Variants in PDXK observed in about 807,000 individuals in gnomAD.
The protein encoded by PDXK is epididymis secretory sperm binding protein Li 1a.
Under a neutral mutation model 43.2 loss-of-function variants are expected in PDXK, and 15 were observed. The observed-to-expected ratio is 0.35, with a 90% CI of 0.23 to 0.53. The LOEUF (loss-of-function observed/expected upper bound fraction) is 0.53, where lower values mean the gene tolerates loss of function less well. Among genes scored for constraint, PDXK ranks in the 20% least tolerant of loss-of-function variants. The pLI is 0.92. For synonymous variants in PDXK, 172 were observed against 165.4 expected (o/e 1.04, Z -0.31); for missense variants, 343 against 417.0 (o/e 0.82, Z 1.54).
At position 43,727,470 on chromosome 21, in the gene PDXK, C is replaced by A. The variant is rs77718014; in HGVS notation, c.88-6599C>A. On this transcript the variant is annotated intron_variant, in intron 1 of 10. Coordinates refer to ENST00000291565, the MANE Select transcript of PDXK (RefSeq NM_003681.5). ...TGTGGCCAAGACAAGCCTGCCAGCC[C>A]CTGTCCCTGTCCTTGGCCACTCCTC... Among the ~76,000 whole-genome samples the A allele has an allele frequency of 2.6e-3, 401 of 152,308 alleles. 2 individuals are homozygous for A. Among genetic ancestry groups the A allele is most frequent in the African/African-American group, 8.9e-3 (371 of 41,574 alleles).
At chr21:43,746,043 AG>A in intron 4 of PDXK, 35 bp from the exon 5 acceptor site, 1 of 1,553,780 alleles carries the variant, frequency 6.4e-7, no homozygotes, top group South Asian at 1.1e-5. Context: ...CGTCAGCTGT[AG>A]CCTTTGCTGA....
intron 2 of PDXK, among the ~76,000 whole-genome samples, chr21:43,736,052 A>T (rs2147239999): frequency 6.6e-6 from 1 of 152,294 alleles, no homozygotes; most frequent in Non-Finnish European, 1.5e-5. Flanking sequence ...TGCGGTGCCC[A>T]CGATGACACT....
In PDXK at chr21:43,719,293, G is replaced by T. The variant is rs968917264; in HGVS notation, c.-2G>T. The T allele has an allele frequency of 4.8e-6, 7 of 1,462,768 alleles. No homozygotes were observed. Among genetic ancestry groups the T allele is most frequent in the African/African-American group, 1.5e-5 (1 of 67,944 alleles). 90.6% of individuals were successfully genotyped at this position (1,462,768 alleles called of 1,614,324 possible). A position where few individuals can be genotyped will look rare whatever the true frequency, so the allele number is the denominator to read the frequency against. ...CCCCGCGCCGCCGCGGCCAGGCCCGGCATGGAGGAGGAGTGCCGGGTGCTC... is the reference window on the plus strand; with the variant it reads ...CCCCGCGCCGCCGCGGCCAGGCCCGTCATGGAGGAGGAGTGCCGGGTGCTC... On this transcript the variant is annotated 5_prime_UTR_variant, in exon 1 of 11. Coordinates refer to ENST00000291565, the MANE Select transcript of PDXK (RefSeq NM_003681.5).
Position 43,755,970 on chromosome 21 carries a change from G to A in PDXK, c.846G>A (p.Val282=). The change falls in exon 11 of 11, where the codon GTG becomes GTA. Residue 282 remains valine, a synonymous_variant. Transcript: ENST00000291565. ...QCAKAQAGEG[V]RPSPMQLELR... is the part of the protein sequence containing the mutation. ...CCGCAGCCCAGGCCGGGGAAGGAGT[G>A]AGGCCCAGCCCCATGCAGCTGGAGC... 6.2e-7 allele frequency: 1 copy of A among 1,611,600 alleles called. No homozygotes were observed. Among genetic ancestry groups the A allele is most frequent in the Non-Finnish European group, 8.5e-7 (1 of 1,178,538 alleles).
intron 2 of PDXK, 28 bp from the exon 3 acceptor site, chr21:43,741,639 G>C (rs754851280): frequency 6.2e-7 from 1 of 1,603,710 alleles, no homozygotes; most frequent in Non-Finnish European, 8.5e-7. Flanking sequence ...CCTTGTGTCT[G>C]AGCCCCCATG....
intron 1 of PDXK, 140 bp downstream of exon 1, chr21:43,719,521 CG>C (rs1392389451): frequency 5.3e-6 from 7 of 1,330,438 alleles, no homozygotes; most frequent in Non-Finnish European, 5.9e-6. Flanking sequence ...GAGGCAGGCG[CG>C]GGATGAGCCT....
chr21:43,744,128 C>T (rs981060960), intron 4 of PDXK, among the ~76,000 whole-genome samples: 2 of 151,882 alleles, frequency 1.3e-5, no homozygotes, highest in Admixed American at 1.3e-4. Flanking sequence ...CTACACTCAC[C>T]CTAAAGGCGG....
At chr21:43,729,073 C>T in intron 1 of PDXK, 3 of 955,218 alleles carry the variant, frequency 3.1e-6, no homozygotes, top group Non-Finnish European at 3.7e-6. Context: ...CACCCCGCAC[C>T]CGCCCGCCCG....
intron 4 of PDXK, among the ~76,000 whole-genome samples, chr21:43,744,116 G>T (rs1241374812): frequency 6.6e-6 from 1 of 152,060 alleles, no homozygotes; most frequent in Non-Finnish European, 1.5e-5. Context: ...ACTGTTGTGT[G>T]ACTACACTCA....
In PDXK at chr21:43,737,326, C is replaced by G; in HGVS notation, c.142+3203C>G. The G allele has an allele frequency of 7.4e-7, 1 of 1,353,092 alleles. No individual in the cohort carries two copies. The highest frequency in any genetic ancestry group is 9.5e-7 in the Non-Finnish European group (1 of 1,052,158). The allele number at this position is 1,353,092 out of a possible 1,614,324, so 83.8% of individuals were successfully genotyped here. A position where few individuals can be genotyped will look rare whatever the true frequency, so the allele number is the denominator to read the frequency against. The stretch of plus-strand genomic sequence containing the variant: ...TGCTGCTCGCACTTCTGCCCCTTCC[C>G]CCGGCCAGGCCCCCGTTCCTTGAGG... On this transcript the variant is annotated intron_variant, in intron 2 of 10. Transcript: ENST00000291565. The surrounding 1 kb of genome is among the most constrained non-coding windows in gnomAD (Gnocchi z 4.8).
chr21:43,760,827 G>A lies in PDXK; in HGVS notation c.*4764G>A, dbSNP rs3204323. ...CATCCCATCACCCACCAGGGTGCAC[G>A]GTCTCTCCTGCTGGGGGCTTTCTGT... is the stretch of plus-strand genomic sequence containing the variant. On this transcript the variant is annotated 3_prime_UTR_variant, in exon 11 of 11. Transcript: ENST00000291565. 0.12 allele frequency: 17,523 copies of A among 152,194 alleles called. 1,226 individuals are homozygous for A. The highest frequency in any genetic ancestry group is 0.23 in the East Asian group (1,204 of 5,158). 9.4% of individuals were successfully genotyped at this position (152,194 alleles called of 1,614,324 possible).
chr21:43,738,038 T>A (rs900113385), intron 2 of PDXK: 1 of 985,372 alleles, frequency 1.0e-6, no homozygotes, highest in Non-Finnish European at 1.2e-6. Flanking sequence ...GGCCAAGTGC[T>A]GGACGTCTCC....
In PDXK at chr21:43,758,017, C is replaced by T. The variant is rs1260450000; in HGVS notation, c.*1954C>T. ...TTTTTTTTTTTAAACACCAAGAGCA[C>T]GTATAGCATGGGGGAAAGAACCTAA... On this transcript the variant is annotated 3_prime_UTR_variant, in exon 11 of 11. Transcript: ENST00000291565. The T allele has an allele frequency of 1.4e-4, 22 of 151,882 alleles. No individual in the cohort carries two copies. Among genetic ancestry groups the T allele is most frequent in the Admixed American group, 1.3e-3 (20 of 15,132 alleles). The allele number at this position is 151,882 out of a possible 1,614,324, so 9.4% of individuals were successfully genotyped here. A position where few individuals can be genotyped will look rare whatever the true frequency, so the allele number is the denominator to read the frequency against.
At position 43,756,373 on chromosome 21, in the gene PDXK, C is replaced by A; in HGVS notation, c.*310C>A. On this transcript the variant is annotated 3_prime_UTR_variant, in exon 11 of 11. Coordinates refer to ENST00000291565, the MANE Select transcript of PDXK (RefSeq NM_003681.5). Reference sequence around the variant, plus strand: ...CCTGTGGGAGGGTGAGTGGGTGAGGCCGAGCCTGCTGCGTGTGGAGCCTCG... The same window carrying A: ...CCTGTGGGAGGGTGAGTGGGTGAGGACGAGCCTGCTGCGTGTGGAGCCTCG... 3.2e-6 allele frequency: 1 copy of A among 316,420 alleles called. No homozygotes were observed. The allele number at this position is 316,420 out of a possible 1,614,324, so 19.6% of individuals were successfully genotyped here.
intron 4 of PDXK, among the ~76,000 whole-genome samples, chr21:43,745,314 G>A (rs1009302594): frequency 6.6e-6 from 1 of 152,074 alleles, no homozygotes; most frequent in Non-Finnish European, 1.5e-5. Context: ...CAGCTACTTT[G>A]GAGGCTGAGG....
intron 1 of PDXK, among the ~76,000 whole-genome samples, chr21:43,726,371 G>A (rs2083254091): frequency 6.7e-6 from 1 of 149,992 alleles, no homozygotes; most frequent in African/African-American, 2.5e-5. Flanking sequence ...CTCCTCCCAG[G>A]TTCACGCCAT....
intron 1 of PDXK, chr21:43,719,638 C>T (rs1275877054): frequency 5.1e-6 from 5 of 985,316 alleles, no homozygotes; most frequent in Admixed American, 1.2e-4. Flanking sequence ...GGAGGGAGCC[C>T]TGTGCACCAG....
chr21:43,728,962 CA>C, intron 1 of PDXK: 1 of 985,632 alleles, frequency 1.0e-6, no homozygotes, highest in Non-Finnish European at 1.2e-6. Flanking sequence ...AGAGTGTAGC[CA>C]TCTGACTGGC....
intron 5 of PDXK, 28 bp downstream of exon 5, chr21:43,746,153 A>G (rs1263892601): frequency 1.3e-6 from 2 of 1,587,054 alleles, no homozygotes; most frequent in South Asian, 2.2e-5. Context: ...TGTGATTTAA[A>G]AGTGTGGTGA....
Sources: allele counts gnomAD v4.1 joint callset (sites outside exome capture counted in the v4.1 genomes callset), GRCh38; gene constraint gnomAD v4.1.1; non-coding constraint Gnocchi (gnomAD v3.1); transcripts MANE v1.5; gene names NCBI Gene and HGNC (gene_info 2026-07-23, HGNC 2026-07-21).